Variants in SLIT3 observed in about 807,000 individuals in gnomAD.
SLIT3 encodes the protein slit homolog 3 protein.
SLIT3 carries 68 observed loss-of-function variants against 184.0 expected under a neutral mutation model. That is an observed-to-expected ratio of 0.37 (90% confidence interval 0.30 to 0.45). SLIT3 has a LOEUF of 0.45. Among genes scored for constraint, SLIT3 ranks in the 20% least tolerant of loss-of-function variants. SLIT3 has a pLI of 1.00. For missense variants in SLIT3, 1,707 were observed against 2,026.0 expected (o/e 0.84, Z 3.02); for synonymous variants, 831 against 828.6 (o/e 1.00, Z -0.05).
chr5:168,689,877 C>CA (rs1761855225), intron 29 of SLIT3, among the ~76,000 whole-genome samples: 1 of 152,186 alleles, frequency 6.6e-6, no homozygotes, highest in South Asian at 2.1e-4. Flanking sequence ...GATTTAAACA[C>CA]ATTTTAATGA....
At chr5:168,986,946 G>A (rs1391541097) in intron 4 of SLIT3, among the ~76,000 whole-genome samples, 1 of 152,230 alleles carries the variant, frequency 6.6e-6, no homozygotes, top group Non-Finnish European at 1.5e-5. Context: ...TACTCAGGAG[G>A]CTGAGGCAGG....
chr5:168,928,523 G>A (rs1761898270), intron 4 of SLIT3, among the ~76,000 whole-genome samples: 1 of 152,136 alleles, frequency 6.6e-6, no homozygotes, highest in Admixed American at 6.5e-5. Context: ...TGCCGTGTAT[G>A]TCGTCTCTGC....
intron 1 of SLIT3, among the ~76,000 whole-genome samples, chr5:169,274,993 A>T (rs1307995807): frequency 6.6e-6 from 1 of 152,234 alleles, no homozygotes; most frequent in Non-Finnish European, 1.5e-5. Flanking sequence ...GTGATCTATA[A>T]ACGTTAGCGC....
intron 20 of SLIT3, among the ~76,000 whole-genome samples, chr5:168,732,572 AT>A (rs1378449016): frequency 4.6e-5 from 7 of 152,200 alleles, no homozygotes; most frequent in Admixed American, 3.9e-4. Context: ...TTCAAATTAT[AT>A]TACAAGGCCA....
intron 4 of SLIT3, among the ~76,000 whole-genome samples, chr5:168,885,395 G>A (rs1045275437): frequency 1.3e-5 from 2 of 152,200 alleles, no homozygotes; most frequent in South Asian, 2.1e-4. Flanking sequence ...GAGTCGGGGC[G>A]CTGAACAAAG....
chr5:169,072,438 A>G (rs1475115401), intron 4 of SLIT3, among the ~76,000 whole-genome samples: 3 of 152,214 alleles, frequency 2.0e-5, no homozygotes, highest in Admixed American at 6.5e-5. Context: ...GGCATGGATG[A>G]CTCTGCACAA....
Position 168,753,971 on chromosome 5 carries a change from C to T in SLIT3, c.1722G>A (p.Glu574=). ...CGCTGGCTGCTCCATCGAAAGCTCC[C>T]TCTCGCACCTCCTTGATCTTATTGT... ...LSNNKIKEVR[E]GAFDGAASVQ... The change falls in exon 17 of 36, where the codon GAG becomes GAA. Residue 574 remains glutamate, a synonymous_variant. Transcript: ENST00000519560. 6.2e-7 allele frequency: 1 copy of T among 1,607,060 alleles called. No individual in the cohort carries two copies. Among genetic ancestry groups the T allele is most frequent in the Non-Finnish European group, 8.5e-7 (1 of 1,178,612 alleles).
intron 4 of SLIT3, among the ~76,000 whole-genome samples, chr5:169,156,251 G>A (rs1393608987): frequency 6.6e-6 from 1 of 152,156 alleles, no homozygotes; most frequent in East Asian, 1.9e-4. Flanking sequence ...AATCAATACA[G>A]TGGAGTAAAG....
intron 4 of SLIT3, among the ~76,000 whole-genome samples, chr5:168,913,087 G>A (rs1266526016): frequency 1.3e-5 from 2 of 152,204 alleles, no homozygotes; most frequent in Non-Finnish European, 2.9e-5. Flanking sequence ...AAACTTGACT[G>A]CAAGCTCCTT....
In SLIT3 at chr5:168,997,941, TCC is replaced by T. The variant is rs1755570415; in HGVS notation, c.414-114607_414-114606del. 2.6e-5 allele frequency among the ~76,000 whole-genome samples: 4 copies of T among 152,148 alleles called. No individual in the cohort carries two copies. In the South Asian group the frequency reaches 8.3e-4, roughly 32 times the overall value. On this transcript the variant is annotated intron_variant, in intron 4 of 35. Coordinates refer to ENST00000519560, the MANE Select transcript of SLIT3 (RefSeq NM_003062.4). ...GCTCCATTCTTCATGTGATAACCTT[TCC>T]CAGAATTTGAGGCCAAGCTCTCTCT...
intron 4 of SLIT3, among the ~76,000 whole-genome samples, chr5:169,163,805 C>G (rs111770064): frequency 1.1e-3 from 164 of 152,280 alleles, no homozygotes; most frequent in African/African-American, 3.7e-3. Context: ...GGAAGGGTGA[C>G]GTGACCACTC....
intron 3 of SLIT3, among the ~76,000 whole-genome samples, chr5:169,229,642 TTCTCTC>T (rs60056409): frequency 0.082 from 12,173 of 148,276 alleles, 586 homozygotes; most frequent in South Asian, 0.12. Context: ...AAATAAATTC[TTCTCTC>T]TCTCTCTCTC....
chr5:168,685,031 AC>A (rs1386189916), intron 31 of SLIT3, among the ~76,000 whole-genome samples: 1 of 151,956 alleles, frequency 6.6e-6, no homozygotes, highest in East Asian at 1.9e-4. Context: ...GCTTACTGCA[AC>A]CTCTGCCTCC....
chr5:169,065,380 C>T (rs1758315877), intron 4 of SLIT3, among the ~76,000 whole-genome samples: 1 of 152,132 alleles, frequency 6.6e-6, no homozygotes, highest in Admixed American at 6.5e-5. Context: ...ATATGGAAGC[C>T]ATCACACAGA....
At chr5:168,888,704 A>G (rs1760320746) in intron 4 of SLIT3, among the ~76,000 whole-genome samples, 1 of 152,216 alleles carries the variant, frequency 6.6e-6, no homozygotes, top group Non-Finnish European at 1.5e-5. Context: ...TGCCTTTTCA[A>G]TAACATTAAA....
At chr5:169,089,988 T>G (rs1367009139) in intron 4 of SLIT3, among the ~76,000 whole-genome samples, 1 of 152,182 alleles carries the variant, frequency 6.6e-6, no homozygotes, top group Non-Finnish European at 1.5e-5. Context: ...CTTCAGGTAT[T>G]TCCTACAGAA....
At chr5:169,170,737 T>A (rs1023276770) in intron 4 of SLIT3, among the ~76,000 whole-genome samples, 51 of 151,062 alleles carry the variant, frequency 3.4e-4, no homozygotes, top group African/African-American at 1.1e-3. Flanking sequence ...AGCTCATTTT[T>A]AAAAAATGGT....
At chr5:168,931,336 T>C (rs910547699) in intron 4 of SLIT3, among the ~76,000 whole-genome samples, 1 of 152,112 alleles carries the variant, frequency 6.6e-6, no homozygotes, top group Non-Finnish European at 1.5e-5. Context: ...GATGAGGGAG[T>C]TGGAATAACA....
intron 4 of SLIT3, chr5:169,026,534 C>T (rs1380185109): frequency 2.0e-5 from 3 of 152,168 alleles, no homozygotes; most frequent in Non-Finnish European, 4.4e-5. Flanking sequence ...GATATACAGA[C>T]TGCTGAAGAT....
Sources: allele counts gnomAD v4.1 joint callset (sites outside exome capture counted in the v4.1 genomes callset), GRCh38; gene constraint gnomAD v4.1.1; transcripts MANE v1.5; gene names NCBI Gene and HGNC (gene_info 2026-07-23, HGNC 2026-07-21).